DSC2: variants seen among roughly 807,000 people sequenced by gnomAD.
The protein encoded by DSC2 is desmocollin-2.
A neutral mutation model predicts 87.6 loss-of-function variants in DSC2; 51 were observed. The ratio of observed to expected loss-of-function variants is 0.58; its 90% CI spans 0.46 to 0.74. DSC2 has a LOEUF of 0.74. DSC2 is among the 30% of genes least tolerant of loss of function. The pLI, the probability that DSC2 is intolerant of heterozygous loss-of-function variation, is 0.00. For missense variants in DSC2, 1,066 were observed against 1,089.5 expected (o/e 0.98, Z 0.30); for synonymous variants, 383 against 393.2 (o/e 0.97, Z 0.31).
At chr18:31,078,634 G>A (rs1272461384) in intron 11 of DSC2, among the ~76,000 whole-genome samples, 1 of 151,764 alleles carries the variant, frequency 6.6e-6, no homozygotes, top group East Asian at 1.9e-4. Flanking sequence ...AGGCCTTAAA[G>A]GACAGTCTTT....
At chr18:31,071,910 CA>C in intron 12 of DSC2, 69 bp from the exon 13 acceptor site, 1 of 1,323,888 alleles carries the variant, frequency 7.6e-7, no homozygotes, top group Non-Finnish European at 1.1e-6. Flanking sequence ...ATAAATAACT[CA>C]TTATCAGATA....
In DSC2 at chr18:31,092,182, C is replaced by G; in HGVS notation, c.273G>C (p.Lys91Asn). Residue 91 changes from lysine to asparagine, a missense_variant, in exon 3 of 16, where the codon AAG becomes AAC. Coordinates refer to ENST00000280904, the MANE Select transcript of DSC2 (RefSeq NM_024422.6). ...TGGAAAGTAATATGGTAAAACTTCT[C>G]TTCTCCGAGGACAATAGAATAGTAT... ...TTNTILLSSE[K>N]RSFTILLSNT... The G allele has an allele frequency of 6.2e-7, 1 of 1,613,634 alleles. No individual in the cohort carries two copies. Among genetic ancestry groups the G allele is most frequent in the Non-Finnish European group, 8.5e-7 (1 of 1,179,740 alleles).
At chr18:31,078,812 A>G (rs187019457) in intron 11 of DSC2, among the ~76,000 whole-genome samples, 65 of 152,296 alleles carry the variant, frequency 4.3e-4, no homozygotes, top group African/African-American at 1.4e-3. Context: ...TATATTTAGC[A>G]TATTTATTTT....
chr18:31,092,015 T>C (rs1048431576), intron 3 of DSC2, 86 bp downstream of exon 3: 6 of 1,409,872 alleles, frequency 4.3e-6, no homozygotes, highest in Non-Finnish European at 3.9e-6. Context: ...CTATACCATA[T>C]CCTTTCTGAT....
At chr18:31,098,587 T>C (rs960597704) in intron 1 of DSC2, among the ~76,000 whole-genome samples, 1 of 152,066 alleles carries the variant, frequency 6.6e-6, no homozygotes, top group Non-Finnish European at 1.5e-5. Context: ...CCCAAGTAGA[T>C]GGGATTATAG....
At chr18:31,084,435 T>G (rs975404359) in intron 7 of DSC2, among the ~76,000 whole-genome samples, 2 of 152,146 alleles carry the variant, frequency 1.3e-5, no homozygotes, top group Non-Finnish European at 2.9e-5. Flanking sequence ...AAGTATTAAC[T>G]TATGCTATCT....
intron 11 of DSC2, 113 bp from the exon 12 acceptor site, chr18:31,075,020 A>G (rs1187401192): frequency 8.8e-7 from 1 of 1,136,146 alleles, no homozygotes; most frequent in Non-Finnish European, 1.3e-6. Context: ...AGAAGTTACA[A>G]TGACAAGCAG....
At chr18:31,076,909 A>G (rs1987035594) in intron 11 of DSC2, among the ~76,000 whole-genome samples, 1 of 152,228 alleles carries the variant, frequency 6.6e-6, no homozygotes, top group South Asian at 2.1e-4. Flanking sequence ...AAGAGATACC[A>G]GAAGATAATG....
chr18:31,078,879 C>T lies in DSC2; in HGVS notation c.1663+968G>A, dbSNP rs142979617. On this transcript the variant is annotated intron_variant, in intron 11 of 15. Coordinates refer to ENST00000280904, the MANE Select transcript of DSC2 (RefSeq NM_024422.6). ...GAAATTATATTTTATGCACCAAACG[C>T]GTCTCATAAATAATCATCATACTCA... Among the ~76,000 whole-genome samples the T allele has an allele frequency of 3.5e-4, 53 of 152,098 alleles. 1 individual carries two copies. The East Asian group carries it at 4.8e-3, about 14-fold the overall frequency.
Position 31,066,231 on chromosome 18 carries a change from C to A in DSC2, c.*1784G>T, listed in dbSNP as rs375290800. On this transcript the variant is annotated 3_prime_UTR_variant, in exon 16 of 16. Transcript: ENST00000280904. ...GGCAATAACAATGCACTGAAAATGT[C>A]TCCAAAACAAACTCTACATTTTAAA... 6.8e-4 allele frequency: 103 copies of A among 152,208 alleles called. No homozygotes were observed. Among genetic ancestry groups the A allele is most frequent in the African/African-American group, 2.4e-3 (100 of 41,526 alleles). 9.4% of individuals were successfully genotyped at this position (152,208 alleles called of 1,614,324 possible).
Position 31,061,813 on chromosome 18 carries a change from A to G in DSC2, c.*6202T>C, listed in dbSNP as rs988081416. ...TTCTTAGCTATTGATGGGATAAAGA[A>G]CACAAGGACAGGTGGGGAGAGAAGA... On this transcript the variant is annotated 3_prime_UTR_variant, in exon 16 of 16. Coordinates refer to ENST00000280904, the MANE Select transcript of DSC2 (RefSeq NM_024422.6). 6 of 152,228 alleles carry G rather than the reference A, an allele frequency of 3.9e-5. No homozygotes were observed. The highest frequency in any genetic ancestry group is 1.2e-4 in the African/African-American group (5 of 41,468). 9.4% of individuals were successfully genotyped at this position (152,228 alleles called of 1,614,324 possible).
Position 31,080,085 on chromosome 18 carries a change from A to G in DSC2, c.1520+11T>C, listed in dbSNP as rs752370616. 5 of 1,613,706 alleles carry G rather than the reference A, an allele frequency of 3.1e-6. No individual in the cohort carries two copies. Among genetic ancestry groups the G allele is most frequent in the Non-Finnish European group, 3.4e-6 (4 of 1,179,984 alleles). On this transcript the variant is annotated intron_variant, in intron 10 of 15. Coordinates refer to ENST00000280904, the MANE Select transcript of DSC2 (RefSeq NM_024422.6). ...CTATATATTTTAAAACTAAAATAGA[A>G]TGGTAAGTACCTTATGCCACTGCTA...
At chr18:31,075,888 A>C (rs564965948) in intron 11 of DSC2, among the ~76,000 whole-genome samples, 1 of 152,154 alleles carries the variant, frequency 6.6e-6, no homozygotes, top group Admixed American at 6.6e-5. Context: ...GAAAAGAAAG[A>C]AAGAAACTTA....
intron 7 of DSC2, 104 bp downstream of exon 7, chr18:31,086,471 TA>T: frequency 7.3e-7 from 1 of 1,363,812 alleles, no homozygotes; most frequent in Non-Finnish European, 1.0e-6. Flanking sequence ...ATAATGTTTC[TA>T]AAATGAGATT....
At position 31,068,593 on chromosome 18, in the gene DSC2, A is replaced by C. The variant is rs534976318; in HGVS notation, c.2508+301T>G. Among the ~76,000 whole-genome samples, 7 of 152,288 alleles carry C rather than the reference A, an allele frequency of 4.6e-5. No individual in the cohort carries two copies. In the South Asian group the frequency reaches 1.4e-3, roughly 32 times the overall value. ...TACATGCTGGTCTTGCTGGTACCAC[A>C]TTTTTGGTTTCTAAGGTACAAGTTG... On this transcript the variant is annotated intron_variant, in intron 15 of 15. Coordinates refer to ENST00000280904, the MANE Select transcript of DSC2 (RefSeq NM_024422.6).
intron 10 of DSC2, 47 bp downstream of exon 10, chr18:31,080,049 A>T: frequency 6.2e-7 from 1 of 1,611,016 alleles, no homozygotes; most frequent in Non-Finnish European, 8.5e-7. Flanking sequence ...ATAATAACGT[A>T]ACAAAATAAG....
rs1986507805 is a variant in DSC2 at position 31,061,814 on chromosome 18, C to T, written c.*6201G>A. On this transcript the variant is annotated 3_prime_UTR_variant, in exon 16 of 16. Coordinates refer to ENST00000280904, the MANE Select transcript of DSC2 (RefSeq NM_024422.6). ...TCTTAGCTATTGATGGGATAAAGAA[C>T]ACAAGGACAGGTGGGGAGAGAAGAG... 6.6e-6 allele frequency: 1 copy of T among 152,092 alleles called. No homozygotes were observed. The highest frequency in any genetic ancestry group is 1.5e-5 in the Non-Finnish European group (1 of 68,010). The allele number at this position is 152,092 out of a possible 1,614,324, so 9.4% of individuals were successfully genotyped here.
chr18:31,062,680 T>C lies in DSC2; in HGVS notation c.*5335A>G, dbSNP rs1986524149. 6.6e-6 allele frequency: 1 copy of C among 152,202 alleles called. No individual in the cohort carries two copies. 9.4% of individuals were successfully genotyped at this position (152,202 alleles called of 1,614,324 possible). A position where few individuals can be genotyped will look rare whatever the true frequency, so the allele number is the denominator to read the frequency against. Reference sequence around the variant, plus strand: ...AACCCTTGGGGGTTACATTTCAATATGGGGCAATTATTGGTGGCTACAAGT... The same window carrying C: ...AACCCTTGGGGGTTACATTTCAATACGGGGCAATTATTGGTGGCTACAAGT... On this transcript the variant is annotated 3_prime_UTR_variant, in exon 16 of 16. Transcript: ENST00000280904.
chr18:31,095,982 C>T (rs555557381), intron 1 of DSC2, among the ~76,000 whole-genome samples: 117 of 151,980 alleles, frequency 7.7e-4, no homozygotes, highest in African/African-American at 2.7e-3. Context: ...TGTACCAGAG[C>T]GGGGGCAGAG....
Sources: allele counts gnomAD v4.1 joint callset (sites outside exome capture counted in the v4.1 genomes callset), GRCh38; gene constraint gnomAD v4.1.1; transcripts MANE v1.5; gene names NCBI Gene and HGNC (gene_info 2026-07-23, HGNC 2026-07-21).